The following CFAP299 variants were observed in gnomAD, a reference collection of about 807,000 sequenced individuals.
CFAP299 encodes the protein cilia and flagella associated protein 299.
A neutral mutation model predicts 27.0 loss-of-function variants in CFAP299; 21 were observed. The observed-to-expected ratio is 0.78, with a 90% CI of 0.55 to 1.12. The LOEUF is 1.12. Ranked by LOEUF, CFAP299 falls within the 50% of genes most tolerant of loss-of-function variation. The pLI is 0.00. For synonymous variants in CFAP299, 104 were observed against 98.1 expected (o/e 1.06, Z -0.36); for missense variants, 310 against 276.6 (o/e 1.12, Z -0.86).
chr4:80,852,611 T>C (rs950770910), intron 3 of CFAP299, among the ~76,000 whole-genome samples: 7 of 152,212 alleles, frequency 4.6e-5, no homozygotes, highest in Non-Finnish European at 8.8e-5. Context: ...CCTTTGACAC[T>C]GCATTCTATT....
At chr4:80,731,281 G>A (rs72864878) in intron 3 of CFAP299, among the ~76,000 whole-genome samples, 9,431 of 152,198 alleles carry the variant, frequency 0.062, 409 homozygotes, top group East Asian at 0.22. Context: ...GCTAAAATAC[G>A]TGTTAACTTA....
intron 3 of CFAP299, among the ~76,000 whole-genome samples, chr4:80,603,468 A>G (rs1452733363): frequency 2.0e-5 from 3 of 152,184 alleles, no homozygotes; most frequent in Admixed American, 1.3e-4. Flanking sequence ...ACATTATAAT[A>G]GCTATCGCTG....
At chr4:80,406,679 A>C (rs1726441659) in intron 2 of CFAP299, among the ~76,000 whole-genome samples, 1 of 152,180 alleles carries the variant, frequency 6.6e-6, no homozygotes, top group Admixed American at 6.5e-5. Context: ...CCCTAGTACA[A>C]ACTTAATGTT....
At chr4:80,930,795 T>C (rs1044539641) in intron 4 of CFAP299, among the ~76,000 whole-genome samples, 1 of 152,142 alleles carries the variant, frequency 6.6e-6, no homozygotes, top group Non-Finnish European at 1.5e-5. Flanking sequence ...GCAATCCCCA[T>C]ACCATCTTTC....
At chr4:80,477,761 C>T (rs1730353446) in intron 2 of CFAP299, among the ~76,000 whole-genome samples, 1 of 152,158 alleles carries the variant, frequency 6.6e-6, no homozygotes. Flanking sequence ...TTTGTCTCCC[C>T]TACTTAGTTT....
intron 3 of CFAP299, among the ~76,000 whole-genome samples, chr4:80,614,874 TG>T: frequency 6.6e-6 from 1 of 152,212 alleles, no homozygotes; most frequent in East Asian, 1.9e-4. Flanking sequence ...ACAATTTTAA[TG>T]TCAACATACA....
At chr4:80,513,519 A>G (rs184908010) in intron 2 of CFAP299, among the ~76,000 whole-genome samples, 91 of 152,282 alleles carry the variant, frequency 6.0e-4, no homozygotes, top group African/African-American at 2.0e-3. Flanking sequence ...GAATCTGTGC[A>G]ATATGCCAGA....
rs866411291 is a variant in CFAP299, at chr4:80,651,508, G to C, written c.333+68325G>C. ...AGCCCCTCAAGTAACTGAGACTAGAGTTGTGCGCCGCCACACCTAGCTAAT... is the reference window on the plus strand; with the variant it reads ...AGCCCCTCAAGTAACTGAGACTAGACTTGTGCGCCGCCACACCTAGCTAAT... On this transcript the variant is annotated intron_variant, in intron 3 of 5. Transcript: ENST00000358105. 1.4e-4 allele frequency among the ~76,000 whole-genome samples: 21 copies of C among 151,546 alleles called. No homozygotes were observed. In the Admixed American group the frequency reaches 1.4e-3, roughly 10 times the overall value.
chr4:80,699,284 C>G (rs1272690762), intron 3 of CFAP299, among the ~76,000 whole-genome samples: 1 of 152,142 alleles, frequency 6.6e-6, no homozygotes, highest in Non-Finnish European at 1.5e-5. Context: ...GCATAGCAGA[C>G]TCCTCTGATA....
At position 80,956,218 on chromosome 4, in the gene CFAP299, G is replaced by T. The variant is rs574606472; in HGVS notation, c.607-7299G>T. ...TATGTATTTTGTAAAGCTTTAGATAGATATTGTCAAATTGCTTTGCAGTTA... is the reference window on the plus strand; with the variant it reads ...TATGTATTTTGTAAAGCTTTAGATATATATTGTCAAATTGCTTTGCAGTTA... On this transcript the variant is annotated intron_variant, in intron 5 of 5. Coordinates refer to ENST00000358105, the MANE Select transcript of CFAP299 (RefSeq NM_152770.3). Among the ~76,000 whole-genome samples, 19 of 152,180 alleles carry T rather than the reference G, an allele frequency of 1.2e-4. No individual in the cohort carries two copies. The South Asian group carries it at 3.9e-3, about 32-fold the overall frequency.
intron 3 of CFAP299, among the ~76,000 whole-genome samples, chr4:80,738,898 G>T (rs192557984): frequency 7.3e-5 from 11 of 151,030 alleles, no homozygotes; most frequent in East Asian, 5.9e-4. Context: ...TAATTTTTTT[G>T]TGTGTGTATC....
intron 1 of CFAP299, among the ~76,000 whole-genome samples, chr4:80,348,883 A>G (rs1233714482): frequency 2.0e-5 from 3 of 152,230 alleles, no homozygotes; most frequent in Non-Finnish European, 2.9e-5. Flanking sequence ...TTTTGCTTCT[A>G]CATTCCATGG....
chr4:80,957,221 A>C (rs1738114410), intron 5 of CFAP299, among the ~76,000 whole-genome samples: 1 of 152,132 alleles, frequency 6.6e-6, no homozygotes, highest in African/African-American at 2.4e-5. Flanking sequence ...CTTGGCTTGG[A>C]GTCCCATCTC....
At chr4:80,580,910 A>T (rs2062440426) in intron 2 of CFAP299, among the ~76,000 whole-genome samples, 1 of 152,012 alleles carries the variant, frequency 6.6e-6, no homozygotes, top group African/African-American at 2.4e-5. Flanking sequence ...CAATAACAAA[A>T]GATGGTTCAG....
chr4:80,475,145 G>A lies in CFAP299; in HGVS notation c.243-107948G>A, dbSNP rs574174122. The stretch of plus-strand genomic sequence containing the variant: ...TCGGGCAGAGGGAGAGAGGAGTGGA[G>A]GCCAGAACAGTAGGCAGGTGCCAGT... On this transcript the variant is annotated intron_variant, in intron 2 of 5. Transcript: ENST00000358105. Among the ~76,000 whole-genome samples, 3 of 152,238 alleles carry A rather than the reference G, an allele frequency of 2.0e-5. No homozygotes were observed. In the East Asian group the frequency reaches 5.8e-4, roughly 29 times the overall value.
intron 4 of CFAP299, among the ~76,000 whole-genome samples, chr4:80,890,844 C>T (rs1320691260): frequency 4.3e-3 from 574 of 132,766 alleles, no homozygotes; most frequent in South Asian, 7.1e-3. Context: ...TGTTTTTTGG[C>T]TGCATAAATG....
chr4:80,455,486 AT>A (rs1471023359), intron 2 of CFAP299, among the ~76,000 whole-genome samples: 2 of 152,196 alleles, frequency 1.3e-5, no homozygotes, highest in African/African-American at 4.8e-5. Flanking sequence ...TTTACATTTT[AT>A]TTGATATTCT....
At chr4:80,347,165 G>T (rs1178269850) in intron 1 of CFAP299, among the ~76,000 whole-genome samples, 2 of 151,964 alleles carry the variant, frequency 1.3e-5, no homozygotes, top group Non-Finnish European at 2.9e-5. Flanking sequence ...AGCTTAAGGA[G>T]ATTTTGGACT....
intron 2 of CFAP299, among the ~76,000 whole-genome samples, chr4:80,383,954 T>C (rs1047262315): frequency 6.6e-6 from 1 of 152,178 alleles, no homozygotes; most frequent in Non-Finnish European, 1.5e-5. Context: ...GCTTGGCCTC[T>C]GATGAGACAT....
Sources: gnomAD v4.1 joint callset for allele counts (sites outside exome capture counted in the v4.1 genomes callset) on GRCh38, gnomAD v4.1.1 for gene constraint, MANE v1.5 for transcripts, NCBI Gene and HGNC (gene_info 2026-07-23, HGNC 2026-07-21) for gene names.